NAA15: variants seen among roughly 807,000 people sequenced by gnomAD.
NAA15 encodes the protein N-terminal acetyltransferase.
Under a neutral mutation model 114.0 loss-of-function variants are expected in NAA15, and 34 were observed. The observed-to-expected ratio is 0.30, with a 90% confidence interval of 0.23 to 0.40. The LOEUF (loss-of-function observed/expected upper bound fraction) is 0.40, where lower values mean the gene tolerates loss of function less well. Ranked by LOEUF, NAA15 falls within the 10% of genes least tolerant of loss-of-function variation. NAA15 has a pLI of 1.00. For missense variants in NAA15, 658 were observed against 1,004.5 expected (o/e 0.66, Z 4.66); for synonymous variants, 340 against 338.0 (o/e 1.01, Z -0.06).
chr4:139,335,325 A>G lies in NAA15; in HGVS notation c.139+1067A>G, dbSNP rs563708500. ...TCAATACAGAAAAGTATCAGATTTC[A>G]TTATTTCTGAAATGCAGTTTTCCCT... On this transcript the variant is annotated intron_variant, in intron 2 of 19. Coordinates refer to ENST00000296543, the MANE Select transcript of NAA15 (RefSeq NM_057175.5). 4.6e-5 allele frequency among the ~76,000 whole-genome samples: 7 copies of G among 152,190 alleles called. No homozygotes were observed. The East Asian group carries it at 1.4e-3, about 29-fold the overall frequency.
At chr4:139,359,677 T>G in intron 11 of NAA15, 66 bp from the exon 12 acceptor site, 4 of 1,462,870 alleles carry the variant, frequency 2.7e-6, no homozygotes, top group Non-Finnish European at 3.7e-6. Context: ...TATCAACAGA[T>G]AATGAATTAC....
In NAA15 at chr4:139,357,434, A is replaced by G. The variant is rs1239805544; in HGVS notation, c.1136A>G (p.Tyr379Cys). The change falls in exon 11 of 20, where the codon TAC becomes TGC. Residue 379 changes from tyrosine (Y) to cysteine (C), a missense_variant. This residue lies in a region of NAA15 where 281 missense variants were observed against 389.1 expected (regional missense o/e 0.72). Coordinates refer to ENST00000296543, the MANE Select transcript of NAA15 (RefSeq NM_057175.5). ...PPTTLLWVQY[Y>C]LAQHYDKIGQ... ...ACCACATTACTTTGGGTCCAGTACT[A>G]CTTGGCACAACATTATGACAAAATT... The G allele has an allele frequency of 1.2e-6, 2 of 1,613,956 alleles. No individual in the cohort carries two copies. Among genetic ancestry groups the G allele is most frequent in the Non-Finnish European group, 1.7e-6 (2 of 1,179,892 alleles).
chr4:139,345,097 A>G (rs1034548327), intron 6 of NAA15, among the ~76,000 whole-genome samples: 1 of 152,226 alleles, frequency 6.6e-6, no homozygotes, highest in Non-Finnish European at 1.5e-5. Context: ...CCCTTGGCTC[A>G]CCTTGAGGTT....
At chr4:139,316,840 TC>T (rs772279965) in intron 1 of NAA15, among the ~76,000 whole-genome samples, 1 of 150,736 alleles carries the variant, frequency 6.6e-6, no homozygotes, top group Non-Finnish European at 1.5e-5. Flanking sequence ...AATTAACACC[TC>T]CCCCCACCCC....
chr4:139,337,628 G>T (rs1747241545), intron 3 of NAA15, among the ~76,000 whole-genome samples: 1 of 152,228 alleles, frequency 6.6e-6, no homozygotes, highest in East Asian at 1.9e-4. Flanking sequence ...AGAAAAAATT[G>T]TGGGTTGCTA....
rs1002769761 is a variant in NAA15, at chr4:139,351,570, G to C, written c.973G>C (p.Val325Leu). Residue 325 changes from valine (V) to leucine (L), a missense_variant, in exon 9 of 20, where the codon GTC (valine) becomes CTC (leucine). Around this residue, in one of 6 missense-constraint regions of NAA15, gnomAD observed 281 missense variants for 389.1 expected, o/e 0.72. Coordinates refer to ENST00000296543, the MANE Select transcript of NAA15 (RefSeq NM_057175.5). ...GAATTTCAGCAAGGGTTGCCCACCA[G>C]TCTTCAATACTTTAAGATCATTATA... ...RMNFSKGCPP[V>L]FNTLRSLYKD... 6 of 1,601,868 alleles carry C rather than the reference G, an allele frequency of 3.7e-6. No individual in the cohort carries two copies. In the African/African-American group the frequency reaches 8.0e-5, roughly 21 times the overall value.
chr4:139,384,870 A>G lies in NAA15; in HGVS notation c.2194A>G (p.Thr732Ala). The change falls in exon 18 of 20, where the codon ACA (threonine) becomes GCA (alanine). Residue 732 changes from threonine to alanine, a missense_variant. Thr to Ala is a moderately conservative substitution (Grantham distance 58). Transcript: ENST00000296543. ...TAAAGATTTATCTGATACAGTTAGAACAGTATTAAAACAAGAAATGAATCG... is the reference window on the plus strand; with the variant it reads ...TAAAGATTTATCTGATACAGTTAGAGCAGTATTAAAACAAGAAATGAATCG... ...ESKDLSDTVR[T>A]VLKQEMNRLF... 3.9e-6 allele frequency: 6 copies of G among 1,540,592 alleles called. No homozygotes were observed. Among genetic ancestry groups the G allele is most frequent in the Non-Finnish European group, 5.3e-6 (6 of 1,138,842 alleles).
chr4:139,329,850 G>A (rs1746941448), intron 1 of NAA15, among the ~76,000 whole-genome samples: 1 of 152,124 alleles, frequency 6.6e-6, no homozygotes, highest in Non-Finnish European at 1.5e-5. Flanking sequence ...TTGAACATCA[G>A]TCTTTGTTAA....
At chr4:139,338,094 T>A (rs1471098768) in intron 3 of NAA15, among the ~76,000 whole-genome samples, 1 of 152,210 alleles carries the variant, frequency 6.6e-6, no homozygotes, top group African/African-American at 2.4e-5. Flanking sequence ...TGTTAAACTC[T>A]TTGAGGGTGG....
intron 4 of NAA15, among the ~76,000 whole-genome samples, chr4:139,342,479 G>GTTTTT (rs11402847): frequency 2.4e-5 from 3 of 125,536 alleles, no homozygotes; most frequent in East Asian, 2.3e-4. Flanking sequence ...ATTAATGTGT[G>GTTTTT]TTTTTTTTTT....
intron 6 of NAA15, among the ~76,000 whole-genome samples, chr4:139,348,010 G>A (rs1747648249): frequency 6.8e-6 from 1 of 147,556 alleles, no homozygotes; most frequent in Non-Finnish European, 1.5e-5. Context: ...CCGCAGTCCG[G>A]CCTGGGCGAC....
At chr4:139,318,729 C>T (rs1212209675) in intron 1 of NAA15, among the ~76,000 whole-genome samples, 1 of 151,994 alleles carries the variant, frequency 6.6e-6, no homozygotes, top group African/African-American at 2.4e-5. Context: ...TGGCATGTGC[C>T]TGTAATCCCA....
At chr4:139,322,917 C>T (rs1179773085) in intron 1 of NAA15, among the ~76,000 whole-genome samples, 1 of 152,104 alleles carries the variant, frequency 6.6e-6, no homozygotes, top group Non-Finnish European at 1.5e-5. Flanking sequence ...TCTCGAACTC[C>T]TGACCTCAAG....
intron 9 of NAA15, among the ~76,000 whole-genome samples, chr4:139,351,882 A>G (rs1230589611): frequency 6.7e-6 from 1 of 150,358 alleles, no homozygotes; most frequent in Non-Finnish European, 1.5e-5. Flanking sequence ...TGATAAGGTA[A>G]TAATTTCTTC....
chr4:139,368,860 C>G (rs2110974480), intron 14 of NAA15, among the ~76,000 whole-genome samples: 1 of 152,200 alleles, frequency 6.6e-6, no homozygotes, highest in Non-Finnish European at 1.5e-5. Flanking sequence ...CTGGATGAGC[C>G]TTTAGCTTTC....
chr4:139,357,924 T>C lies in NAA15; in HGVS notation c.1257+369T>C, dbSNP rs57796788. 1.0e-3 allele frequency among the ~76,000 whole-genome samples: 152 copies of C among 152,278 alleles called. 4 individuals are homozygous for C. In the East Asian group the frequency reaches 0.021, roughly 21 times the overall value. On this transcript the variant is annotated intron_variant, in intron 11 of 19. Coordinates refer to ENST00000296543, the MANE Select transcript of NAA15 (RefSeq NM_057175.5). ...ATGATAACATATCAGTATCTGGCAA[T>C]GTTATTGAGATGAAACTGTGAAGAT...
intron 6 of NAA15, 27 bp from the exon 7 acceptor site, chr4:139,349,435 A>ATTT: frequency 3.6e-6 from 4 of 1,122,530 alleles, no homozygotes; most frequent in Admixed American, 3.1e-5. Flanking sequence ...AGATATTAAA[A>ATTT]TTTTTTTTTT....
chr4:139,315,873 C>CT (rs202205710), intron 1 of NAA15, among the ~76,000 whole-genome samples: 11 of 150,040 alleles, frequency 7.3e-5, no homozygotes, highest in South Asian at 2.1e-4. Context: ...TAGTCTCTCT[C>CT]TTTTTTAAAA....
At chr4:139,381,664 A>C (rs1432268322) in intron 17 of NAA15, among the ~76,000 whole-genome samples, 1 of 152,136 alleles carries the variant, frequency 6.6e-6, no homozygotes, top group East Asian at 1.9e-4. Context: ...AGTAGTGAAC[A>C]GTCATTACCT....
Sources: allele counts gnomAD v4.1 joint callset (sites outside exome capture counted in the v4.1 genomes callset), GRCh38; gene constraint gnomAD v4.1.1; regional missense constraint gnomAD v4.1.1; transcripts MANE v1.5; gene names NCBI Gene and HGNC (gene_info 2026-07-23, HGNC 2026-07-21).